The following KDM4A variants were observed in gnomAD, a reference collection of about 807,000 sequenced individuals.
The protein encoded by KDM4A is lysine-specific demethylase 4A.
Under a neutral mutation model 127.1 loss-of-function variants are expected in KDM4A, and 23 were observed. That is an observed-to-expected ratio of 0.18 (90% CI 0.13 to 0.26). KDM4A has a LOEUF of 0.26. Among genes scored for constraint, KDM4A ranks in the 10% least tolerant of loss-of-function variants. The probability of loss-of-function intolerance (pLI) is 1.00; values close to 1 mark genes in which losing one functional copy is unlikely to be tolerated. For synonymous variants in KDM4A, 443 were observed against 466.5 expected, an observed-to-expected ratio of 0.95 and a Z score of 0.65; for missense variants, 890 against 1,329.1, an observed-to-expected ratio of 0.67 and a Z score of 5.14.
At position 43,697,638 on chromosome 1, in the gene KDM4A, TGTG is replaced by T. The variant is rs566154172; in HGVS notation, c.2671-202_2671-200del. Among the ~76,000 whole-genome samples, 39 of 152,280 alleles carry T rather than the reference TGTG, an allele frequency of 2.6e-4. 1 individual carries two copies. The East Asian group carries it at 7.1e-3, about 28-fold the overall frequency. On this transcript the variant is annotated intron_variant, in intron 18 of 21. Coordinates refer to ENST00000372396, the MANE Select transcript of KDM4A (RefSeq NM_014663.3). ...GGAAGAGCTAAATTTATGGAGGAAA[TGTG>T]GTACTGGTCTCTTCCAATGTCCTGG... is the stretch of plus-strand genomic sequence containing the variant.
chr1:43,664,054 C>T (rs946254001), intron 5 of KDM4A, among the ~76,000 whole-genome samples: 4 of 152,092 alleles, frequency 2.6e-5, no homozygotes, highest in African/African-American at 7.2e-5. Flanking sequence ...AATGCTCATA[C>T]GGTGTGGGGA....
At chr1:43,679,633 G>A (rs1660814748) in intron 11 of KDM4A, among the ~76,000 whole-genome samples, 1 of 152,068 alleles carries the variant, frequency 6.6e-6, no homozygotes, top group Admixed American at 6.6e-5. Flanking sequence ...GCAGTTTTTG[G>A]TAAAAGCACC....
chr1:43,676,670 TTGTC>T (rs1435718100), intron 11 of KDM4A, among the ~76,000 whole-genome samples: 8 of 152,188 alleles, frequency 5.3e-5, no homozygotes, highest in Admixed American at 2.0e-4. Flanking sequence ...TTTGCTTTGT[TTGTC>T]CTGTTTTCAA....
At chr1:43,699,334 C>T (rs888137087) in intron 19 of KDM4A, among the ~76,000 whole-genome samples, 7 of 152,076 alleles carry the variant, frequency 4.6e-5, no homozygotes, top group South Asian at 2.1e-4. Flanking sequence ...CAGCTTGAAG[C>T]GATCCTCACA....
chr1:43,681,735 GAAT>G (rs1453983717), intron 11 of KDM4A, among the ~76,000 whole-genome samples: 3 of 152,156 alleles, frequency 2.0e-5, no homozygotes, highest in Non-Finnish European at 2.9e-5. Context: ...GGGGAAACAA[GAAT>G]ATTATTGGGG....
chr1:43,665,609 T>C, intron 5 of KDM4A, 87 bp from the exon 6 acceptor site: 1 of 1,255,558 alleles, frequency 8.0e-7, no homozygotes, highest in Non-Finnish European at 1.2e-6. Flanking sequence ...AAATCTGCTA[T>C]TTCAAGGTGT....
chr1:43,676,426 A>G (rs550473171), intron 11 of KDM4A, among the ~76,000 whole-genome samples: 11 of 152,188 alleles, frequency 7.2e-5, no homozygotes, highest in Admixed American at 2.6e-4. Flanking sequence ...GCTTTAAGCA[A>G]TTCTTTGCCT....
chr1:43,668,739 A>G (rs1470209989), intron 9 of KDM4A, among the ~76,000 whole-genome samples: 1 of 152,218 alleles, frequency 6.6e-6, no homozygotes, highest in Non-Finnish European at 1.5e-5. Context: ...TTGGTGGCTG[A>G]GCCAGGGGAT....
rs1660719290 is a variant in KDM4A, at chr1:43,675,428, C to T, written c.1734+3553C>T. ...GGTTGCAGTGTAGAGTTCTGGACTG[C>T]CTGAGAGAAGGAAACAGTTTAGGCC... On this transcript the variant is annotated intron_variant, in intron 11 of 21. Transcript: ENST00000372396. 3.3e-5 allele frequency among the ~76,000 whole-genome samples: 5 copies of T among 152,078 alleles called. No individual in the cohort carries two copies. The South Asian group carries it at 8.3e-4, about 25-fold the overall frequency.
intron 11 of KDM4A, 131 bp from the exon 12 acceptor site, chr1:43,683,553 T>G: frequency 9.4e-7 from 1 of 1,067,980 alleles, no homozygotes; most frequent in Non-Finnish European, 1.3e-6. Context: ...AGATAGGTAT[T>G]TTCTGTTTGG....
intron 1 of KDM4A, among the ~76,000 whole-genome samples, chr1:43,651,161 G>A (rs1427965048): frequency 6.6e-6 from 1 of 152,244 alleles, no homozygotes; most frequent in East Asian, 1.9e-4. Context: ...ATGATTGTAT[G>A]TTTTTATAAA....
intron 4 of KDM4A, 45 bp downstream of exon 4, chr1:43,660,457 G>GT: frequency 6.5e-7 from 1 of 1,550,376 alleles, no homozygotes; most frequent in Non-Finnish European, 8.7e-7. Context: ...TTGTAATTTT[G>GT]TAATACCTTT....
chr1:43,671,608 T>C lies in KDM4A; in HGVS notation c.1467T>C (p.Ser489=), dbSNP rs1312514531. The C allele has an allele frequency of 2.5e-6, 4 of 1,613,342 alleles. No homozygotes were observed. Among genetic ancestry groups the C allele is most frequent in the Non-Finnish European group, 3.4e-6 (4 of 1,179,682 alleles). The part of the protein sequence containing the change: ...EEQAAAALDL[S]VNPASVGGRL... Reference sequence around the variant, plus strand: ...AAGCAGCAGCTGCCTTGGATCTTTCTGTGAATCCTGCGTCTGTAGGGGGAC... The same window carrying C: ...AAGCAGCAGCTGCCTTGGATCTTTCCGTGAATCCTGCGTCTGTAGGGGGAC... Residue 489 remains serine, a synonymous_variant, in exon 11 of 22, where the codon TCT becomes TCC. Coordinates refer to ENST00000372396, the MANE Select transcript of KDM4A (RefSeq NM_014663.3).
intron 18 of KDM4A, 102 bp from the exon 19 acceptor site, chr1:43,697,741 G>A: frequency 8.8e-7 from 1 of 1,137,370 alleles, no homozygotes. Context: ...ACTTTCCCAT[G>A]CTTATCTTTC....
At position 43,683,814 on chromosome 1, in the gene KDM4A, G is replaced by GT. The variant is rs763237292; in HGVS notation, c.1855+16dup. The GT allele has an allele frequency of 8.1e-6, 13 of 1,612,946 alleles. No individual in the cohort carries two copies. Among genetic ancestry groups the GT allele is most frequent in the Non-Finnish European group, 8.5e-6 (10 of 1,179,672 alleles). On this transcript the variant is annotated intron_variant, in intron 12 of 21. Transcript: ENST00000372396. ...TGTGTCAGTGATGATGGTAAGTGTT[G>GT]TTTTTTCTTCACCAGGAGGAAAGCA...
intron 11 of KDM4A, among the ~76,000 whole-genome samples, chr1:43,681,436 T>A (rs1020911569): frequency 4.6e-5 from 7 of 152,232 alleles, no homozygotes; most frequent in African/African-American, 1.4e-4. Context: ...TGACTTCTTT[T>A]CTGAACCCCC....
Position 43,670,624 on chromosome 1 carries a change from C to T in KDM4A, c.1364-881C>T, listed in dbSNP as rs184082184. Reference sequence around the variant, plus strand: ...TGTCTCCCAGGCTGGAGTGCAAAGGCATGATCTTGGCTCACTGCAACCTCC... The same window carrying T: ...TGTCTCCCAGGCTGGAGTGCAAAGGTATGATCTTGGCTCACTGCAACCTCC... On this transcript the variant is annotated intron_variant, in intron 10 of 21. Transcript: ENST00000372396. Among the ~76,000 whole-genome samples, 397 of 139,092 alleles carry T rather than the reference C, an allele frequency of 2.9e-3. 7 individuals are homozygous for T. Among genetic ancestry groups the T allele is most frequent in the Admixed American group, 0.026 (337 of 13,012 alleles). The allele number at this position is 139,092 out of a possible 152,430, so 91.2% of individuals were successfully genotyped here.
At chr1:43,666,702 G>A (rs1441664704) in intron 7 of KDM4A, 147 bp downstream of exon 7, 5 of 729,126 alleles carry the variant, frequency 6.9e-6, no homozygotes, top group African/African-American at 3.5e-5. Flanking sequence ...AGCATTAAAG[G>A]TGGGGCCACT....
intron 2 of KDM4A, 104 bp downstream of exon 2, chr1:43,653,417 G>C (rs1442607495): frequency 1.7e-6 from 2 of 1,172,490 alleles, no homozygotes; most frequent in Non-Finnish European, 2.4e-6. Context: ...AAGTTGGGTG[G>C]GGTGATGACT....
Sources: allele counts gnomAD v4.1 joint callset (sites outside exome capture counted in the v4.1 genomes callset), GRCh38; gene constraint gnomAD v4.1.1; transcripts MANE v1.5; gene names NCBI Gene and HGNC (gene_info 2026-07-23, HGNC 2026-07-21).